Variants in PLCG2 observed in about 807,000 individuals in gnomAD.
PLCG2 encodes the protein phospholipase C gamma 2.
A neutral mutation model predicts 175.6 loss-of-function variants in PLCG2; 69 were observed. That is an observed-to-expected ratio of 0.39 (90% CI 0.32 to 0.48). The LOEUF (loss-of-function observed/expected upper bound fraction) is 0.48, where lower values mean the gene tolerates loss of function less well. Among genes scored for constraint, PLCG2 ranks in the 20% least tolerant of loss-of-function variants. The pLI is 0.91. For missense variants in PLCG2, 1,798 were observed against 1,650.9 expected (o/e 1.09, Z -1.54); for synonymous variants, 827 against 624.0 (o/e 1.33, Z -4.85).
intron 3 of PLCG2, among the ~76,000 whole-genome samples, chr16:81,857,545 C>T (rs142579839): frequency 1.3e-5 from 2 of 152,124 alleles, no homozygotes; most frequent in Non-Finnish European, 2.9e-5. Context: ...GGTGAGGGCT[C>T]TCTTCCTGAC....
intron 1 of PLCG2, among the ~76,000 whole-genome samples, chr16:81,752,676 C>T: frequency 6.6e-6 from 1 of 152,352 alleles, no homozygotes; most frequent in African/African-American, 2.4e-5. Context: ...TTGGCCTGGG[C>T]TGCATCTGCT....
intron 2 of PLCG2, among the ~76,000 whole-genome samples, chr16:81,761,059 G>C (rs1480308692): frequency 6.6e-6 from 1 of 152,082 alleles, no homozygotes; most frequent in African/African-American, 2.4e-5. Flanking sequence ...ACCACACTTG[G>C]CTAATTTTTG....
chr16:81,816,592 C>T (rs1904558571), intron 2 of PLCG2, among the ~76,000 whole-genome samples: 1 of 151,036 alleles, frequency 6.6e-6, no homozygotes, highest in Non-Finnish European at 1.5e-5. Flanking sequence ...GATCCTCCTC[C>T]CTCAGCCTCA....
At chr16:81,901,185 C>A (rs111969284) in intron 14 of PLCG2, among the ~76,000 whole-genome samples, 1 of 152,138 alleles carries the variant, frequency 6.6e-6, no homozygotes, top group Non-Finnish European at 1.5e-5. Context: ...AGGTGTCCAG[C>A]GACCTGGGTG....
intron 31 of PLCG2, among the ~76,000 whole-genome samples, chr16:81,953,985 C>G (rs1911467082): frequency 6.6e-6 from 1 of 152,020 alleles, no homozygotes; most frequent in African/African-American, 2.4e-5. Flanking sequence ...GAAAGAGAGA[C>G]CTTTCATGGT....
intron 2 of PLCG2, among the ~76,000 whole-genome samples, chr16:81,814,821 C>T (rs1397731019): frequency 6.6e-6 from 1 of 152,176 alleles, no homozygotes; most frequent in Non-Finnish European, 1.5e-5. Flanking sequence ...CCTCTCTGAA[C>T]CTTAGTTTCT....
chr16:81,806,479 C>T (rs1470171565), intron 2 of PLCG2, among the ~76,000 whole-genome samples: 10 of 152,046 alleles, frequency 6.6e-5, no homozygotes, highest in Non-Finnish European at 1.5e-4. Flanking sequence ...CTGCAGATTA[C>T]TGGGTAATCA....
intron 1 of PLCG2, among the ~76,000 whole-genome samples, chr16:81,754,289 A>C (rs1028777611): frequency 1.4e-3 from 17 of 12,532 alleles, no homozygotes; most frequent in Admixed American, 3.2e-3. Flanking sequence ...TCCCCTCCCC[A>C]CCTCCTTCCC....
rs774379961 is a variant in PLCG2 at position 81,929,551 on chromosome 16, G to A, written c.2581+927G>A. On this transcript the variant is annotated intron_variant, in intron 24 of 32. Coordinates refer to ENST00000564138, the MANE Select transcript of PLCG2 (RefSeq NM_002661.5). ...GCCGGGACTACAGGCATGGGCCACC[G>A]TGCCTGGCTAATTTTTGTATTTTTA... Among the ~76,000 whole-genome samples the A allele has an allele frequency of 2.4e-4, 37 of 152,176 alleles. 1 individual carries two copies. The highest frequency in any genetic ancestry group is 3.9e-4 in the Admixed American group (6 of 15,292).
chr16:81,930,145 T>A (rs533032295), intron 24 of PLCG2, among the ~76,000 whole-genome samples: 115 of 152,086 alleles, frequency 7.6e-4, no homozygotes, highest in Admixed American at 3.3e-3. Context: ...GAGACCAGCC[T>A]GGATAATGTA....
At chr16:81,791,538 G>A (rs1267974666) in intron 2 of PLCG2, among the ~76,000 whole-genome samples, 1 of 152,122 alleles carries the variant, frequency 6.6e-6, no homozygotes, top group Non-Finnish European at 1.5e-5. Flanking sequence ...TAGTGGTGAT[G>A]GCTGGAAGAC....
intron 2 of PLCG2, among the ~76,000 whole-genome samples, chr16:81,831,881 G>T (rs1175901713): frequency 6.6e-6 from 1 of 152,202 alleles, no homozygotes; most frequent in Non-Finnish European, 1.5e-5. Context: ...GAGCCTGGTG[G>T]GGAAATGAAG....
chr16:81,861,062 C>A (rs1341801177), intron 5 of PLCG2, among the ~76,000 whole-genome samples: 1 of 152,200 alleles, frequency 6.6e-6, no homozygotes, highest in Middle Eastern at 3.4e-3. Context: ...AAAACCAAAA[C>A]CAAAACCAAA....
intron 21 of PLCG2, among the ~76,000 whole-genome samples, chr16:81,922,393 G>T (rs1910096105): frequency 6.6e-6 from 1 of 152,166 alleles, no homozygotes; most frequent in Non-Finnish European, 1.5e-5. Context: ...ACCTGTTATG[G>T]TTGCTTAAGG....
chr16:81,778,478 T>C (rs1284146490), upstream of PLCG2, among the ~76,000 whole-genome samples: 2 of 152,164 alleles, frequency 1.3e-5, no homozygotes, highest in South Asian at 2.1e-4. Context: ...GATACCTCCA[T>C]CAAAGAGCAT....
At chr16:81,900,820 C>A in intron 14 of PLCG2, 40 bp downstream of exon 14, 1 of 1,568,730 alleles carries the variant, frequency 6.4e-7, no homozygotes, top group Non-Finnish European at 8.7e-7. Flanking sequence ...TCCAGGGAGC[C>A]CAGTGGCTCG....
upstream of PLCG2, among the ~76,000 whole-genome samples, chr16:81,777,664 C>T (rs111504749): frequency 6.9e-3 from 1,049 of 151,960 alleles, 10 homozygotes; most frequent in African/African-American, 0.024. Context: ...AAGTCACAAA[C>T]GAGTCCTATG....
In PLCG2 at chr16:81,757,298, A is replaced by T. The variant is rs1409721057; in HGVS notation, c.-48+1332A>T. Among the ~76,000 whole-genome samples the T allele has an allele frequency of 2.0e-5, 3 of 152,224 alleles. No individual in the cohort carries two copies. In the South Asian group the frequency reaches 6.2e-4, roughly 32 times the overall value. On this transcript the variant is annotated intron_variant, in intron 2 of 5. Transcript: ENST00000565054. ...CTGCTAGGCCCTGGAAACAAAACAC[A>T]CAAAACCCCCAAACAAACAAAAAAA...
intron 2 of PLCG2, chr16:81,767,597 A>G (rs930937421): frequency 6.6e-6 from 1 of 152,128 alleles, no homozygotes; most frequent in African/African-American, 2.4e-5. Context: ...TTTAAAAAAT[A>G]TTATTTGCAT....
Sources: allele counts gnomAD v4.1 joint callset (sites outside exome capture counted in the v4.1 genomes callset), GRCh38; gene constraint gnomAD v4.1.1; transcripts MANE v1.5; gene names NCBI Gene and HGNC (gene_info 2026-07-23, HGNC 2026-07-21).